DNAJC24: variants seen among roughly 807,000 people sequenced by gnomAD.
DNAJC24 encodes dnaJ homolog subfamily C member 24.
In DNAJC24, 17 loss-of-function variants were observed where a neutral mutation model predicts 18.0. The observed-to-expected ratio is 0.94, with a 90% CI of 0.65 to 1.42. The LOEUF is 1.42. DNAJC24 is among the 40% of genes most tolerant of loss of function. The pLI is 0.00. For synonymous variants in DNAJC24, 55 were observed against 57.7 expected (o/e 0.95, Z 0.21); for missense variants, 158 against 175.6 (o/e 0.90, Z 0.57).
At chr11:31,425,369 C>T (rs957912846) in intron 3 of DNAJC24, among the ~76,000 whole-genome samples, 2 of 152,176 alleles carry the variant, frequency 1.3e-5, no homozygotes, top group African/African-American at 4.8e-5. Flanking sequence ...AGTCTGATCT[C>T]ATTTGATATG....
chr11:31,426,760 C>T (rs1465298694), intron 4 of DNAJC24: 1 of 150,074 alleles, frequency 6.7e-6, no homozygotes, highest in Non-Finnish European at 1.5e-5. Flanking sequence ...TTTATTTTCC[C>T]TTTATATAAA....
rs529577002 is a variant in DNAJC24 at position 31,373,410 on chromosome 11, C to T, written c.111+2551C>T. 2.2e-5 allele frequency among the ~76,000 whole-genome samples: 3 copies of T among 134,636 alleles called. 1 individual carries two copies. The South Asian group carries it at 7.4e-4, about 33-fold the overall frequency. 88.3% of individuals were successfully genotyped at this position (134,636 alleles called of 152,430 possible). On this transcript the variant is annotated intron_variant, in intron 2 of 4. Transcript: ENST00000465995. ...GTTGAAAATTTTTTTCTCCATTGGACTGTCTTGGCAATATGAGTCTATTAC... is the reference window on the plus strand; with the variant it reads ...GTTGAAAATTTTTTTCTCCATTGGATTGTCTTGGCAATATGAGTCTATTAC...
intron 3 of DNAJC24, among the ~76,000 whole-genome samples, chr11:31,423,522 G>T (rs1157532583): frequency 1.3e-5 from 2 of 152,034 alleles, no homozygotes; most frequent in African/African-American, 2.4e-5. Context: ...CGGCCTCCCA[G>T]AGTGCTGGGA....
intron 2 of DNAJC24, among the ~76,000 whole-genome samples, chr11:31,398,204 T>TTTC (rs1282264959): frequency 6.6e-6 from 1 of 152,074 alleles, no homozygotes; most frequent in Non-Finnish European, 1.5e-5. Flanking sequence ...ATGCTTTATT[T>TTTC]TTCTTCTTTT....
chr11:31,385,721 T>C (rs1952422753), intron 2 of DNAJC24, among the ~76,000 whole-genome samples: 1 of 152,228 alleles, frequency 6.6e-6, no homozygotes, highest in African/African-American at 2.4e-5. Context: ...AGTAATAATG[T>C]AATATTATTA....
At chr11:31,373,364 T>G in intron 2 of DNAJC24, among the ~76,000 whole-genome samples, 1 of 134,860 alleles carries the variant, frequency 7.4e-6, no homozygotes, top group East Asian at 1.9e-4. Flanking sequence ...CTCAGTATAT[T>G]CAGTTGTGCC....
chr11:31,375,016 G>C lies in DNAJC24; in HGVS notation c.111+4157G>C, dbSNP rs536296197. On this transcript the variant is annotated intron_variant, in intron 2 of 4. Transcript: ENST00000465995. ...TTCTGTTACTATCAAGGAATTTTCA[G>C]AGGGATGAAAGTGTGAGCCAGTTGC... Among the ~76,000 whole-genome samples the C allele has an allele frequency of 3.0e-5, 4 of 133,960 alleles. 1 individual carries two copies. The highest frequency in any genetic ancestry group is 1.0e-4 in the African/African-American group (4 of 40,088). 87.9% of individuals were successfully genotyped at this position (133,960 alleles called of 152,430 possible). A position where few individuals can be genotyped will look rare whatever the true frequency, so the allele number is the denominator to read the frequency against.
chr11:31,385,925 G>A (rs1324222882), intron 2 of DNAJC24, among the ~76,000 whole-genome samples: 1 of 152,164 alleles, frequency 6.6e-6, no homozygotes, highest in South Asian at 2.1e-4. Context: ...CGTGGAAAGA[G>A]AATCCGTGTG....
intron 2 of DNAJC24, among the ~76,000 whole-genome samples, chr11:31,399,739 CTT>C (rs757871094): frequency 0.014 from 1,357 of 96,998 alleles, 12 homozygotes; most frequent in African/African-American, 0.039. Flanking sequence ...ACTGTTTTTT[CTT>C]TTTTTTTTTT....
chr11:31,387,299 C>T (rs1952439161), intron 2 of DNAJC24, among the ~76,000 whole-genome samples: 1 of 152,178 alleles, frequency 6.6e-6, no homozygotes, highest in Non-Finnish European at 1.5e-5. Context: ...TGGGCAAGAA[C>T]CAGTGCGGTG....
chr11:31,427,650 C>G (rs1251326923), intron 4 of DNAJC24: 3 of 151,616 alleles, frequency 2.0e-5, no homozygotes, highest in Non-Finnish European at 2.9e-5. Context: ...AGTTTGTCTC[C>G]TTATCTATTG....
chr11:31,379,263 T>C (rs1952350629), intron 2 of DNAJC24, among the ~76,000 whole-genome samples: 1 of 152,162 alleles, frequency 6.6e-6, no homozygotes, highest in Non-Finnish European at 1.5e-5. Context: ...AGATCCACTG[T>C]GGCACTGGGT....
intron 2 of DNAJC24, among the ~76,000 whole-genome samples, chr11:31,391,748 G>T (rs760241663): frequency 9.2e-5 from 14 of 152,120 alleles, no homozygotes; most frequent in Non-Finnish European, 1.8e-4. Flanking sequence ...AAATCCCACT[G>T]CTAGATATAC....
At chr11:31,418,482 G>A (rs1265589867) in intron 3 of DNAJC24, among the ~76,000 whole-genome samples, 1 of 152,100 alleles carries the variant, frequency 6.6e-6, no homozygotes, top group Non-Finnish European at 1.5e-5. Context: ...TGATGTCTTA[G>A]TGGCTCTATA....
At chr11:31,427,685 G>A (rs1427028808) in intron 4 of DNAJC24, 1 of 152,030 alleles carries the variant, frequency 6.6e-6, no homozygotes, top group African/African-American at 2.4e-5. Context: ...GTTTGTATGT[G>A]TTTAATGTCT....
At chr11:31,418,593 T>G (rs761488961) in intron 3 of DNAJC24, among the ~76,000 whole-genome samples, 3 of 152,124 alleles carry the variant, frequency 2.0e-5, no homozygotes, top group Non-Finnish European at 4.4e-5. Context: ...AAGAATAGAT[T>G]GTGTTTGGAA....
chr11:31,402,724 G>A (rs1564953004), intron 2 of DNAJC24, among the ~76,000 whole-genome samples: 3 of 152,164 alleles, frequency 2.0e-5, no homozygotes, highest in African/African-American at 7.2e-5. Flanking sequence ...TGCTCAGGCT[G>A]TTCCTGAACT....
intron 2 of DNAJC24, among the ~76,000 whole-genome samples, chr11:31,394,717 A>G (rs1952528799): frequency 6.6e-6 from 1 of 152,144 alleles, no homozygotes; most frequent in Non-Finnish European, 1.5e-5. Flanking sequence ...TACAATTTAT[A>G]GTATTAAATA....
chr11:31,370,847 A>C lies in DNAJC24; in HGVS notation c.99A>C (p.Lys33Asn). 1 of 1,595,910 alleles carries C rather than the reference A, an allele frequency of 6.3e-7. No homozygotes were observed. Among genetic ancestry groups the C allele is most frequent in the Non-Finnish European group, 8.6e-7 (1 of 1,166,352 alleles). ...NISDLKQKYQ[K>N]LILMYHPDKQ... ...CAGACCTAAAACAAAAATATCAAAA[A>C]CTCATATTAATGGTAAGTCTTTTCT... Residue 33 changes from lysine (K) to asparagine (N), a missense_variant, in exon 2 of 5, where the codon AAA becomes AAC. By Grantham distance (94) the Lys-to-Asn change is moderately conservative (BLOSUM62 0). Transcript: ENST00000465995.
Sources: allele counts gnomAD v4.1 joint callset (sites outside exome capture counted in the v4.1 genomes callset), GRCh38; gene constraint gnomAD v4.1.1; transcripts MANE v1.5; gene names NCBI Gene and HGNC (gene_info 2026-07-23, HGNC 2026-07-21).